SLC2A2: variants seen among roughly 807,000 people sequenced by gnomAD.
SLC2A2 encodes the protein solute carrier family 2, facilitated glucose transporter member 2.
In SLC2A2, 36 loss-of-function variants were observed where a neutral mutation model predicts 54.5. The ratio of observed to expected loss-of-function variants is 0.66; its 90% CI spans 0.51 to 0.87. SLC2A2 has a LOEUF of 0.87. Among genes scored for constraint, SLC2A2 ranks in the 40% least tolerant of loss-of-function variants. The pLI is 0.00. For synonymous variants in SLC2A2, 223 were observed against 219.1 expected (o/e 1.02, Z -0.16); for missense variants, 543 against 624.3 (o/e 0.87, Z 1.39).
chr3:171,017,208 A>G (rs1311745818), intron 2 of SLC2A2, among the ~76,000 whole-genome samples: 4 of 152,170 alleles, frequency 2.6e-5, no homozygotes, highest in Non-Finnish European at 5.9e-5. Flanking sequence ...AAGGGGCTCT[A>G]TTAATCAAGT....
intron 1 of SLC2A2, among the ~76,000 whole-genome samples, chr3:171,018,892 G>A (rs1291054167): frequency 2.6e-5 from 4 of 151,756 alleles, no homozygotes; most frequent in African/African-American, 9.7e-5. Flanking sequence ...TTCCATATAT[G>A]TGTATGAGAA....
In SLC2A2 at chr3:171,018,539, G is replaced by T. The variant is rs746158263; in HGVS notation, c.100C>A (p.Pro34Thr). Residue 34 changes from proline to threonine, a missense_variant, in exon 2 of 11, where the codon CCT (proline) becomes ACT (threonine). Pro to Thr is a conservative substitution (Grantham distance 38, BLOSUM62 -1). Coordinates refer to ENST00000314251, the MANE Select transcript of SLC2A2 (RefSeq NM_000340.2). ...FGYDIGVINA[P>T]QQVIISHYRH... ...CTACATATTTCACTTGCCTGTTGAG[G>T]TGCATTGATCACACCAATGTCATAT... The T allele has an allele frequency of 1.2e-6, 2 of 1,606,216 alleles. No homozygotes were observed. Among genetic ancestry groups the T allele is most frequent in the Admixed American group, 3.3e-5 (2 of 60,010 alleles).
intron 1 of SLC2A2, among the ~76,000 whole-genome samples, chr3:171,022,254 C>T (rs1267783247): frequency 1.3e-5 from 2 of 152,216 alleles, no homozygotes; most frequent in Non-Finnish European, 2.9e-5. Context: ...TTGCATCCCT[C>T]ATTAGTCAGA....
In SLC2A2 at chr3:170,997,856, C is replaced by A. The variant is rs567487827; in HGVS notation, c.*47G>T. The A allele has an allele frequency of 6.9e-7, 1 of 1,453,682 alleles. No individual in the cohort carries two copies. The highest frequency in any genetic ancestry group is 9.6e-7 in the Non-Finnish European group (1 of 1,040,794). 90.0% of individuals were successfully genotyped at this position (1,453,682 alleles called of 1,614,324 possible). On this transcript the variant is annotated 3_prime_UTR_variant, in exon 11 of 11. Transcript: ENST00000314251. ...CAAGGAATCATCATTTAAAAACAGA[C>A]GGTTCCCTTATTGTTTCTGTTCATG...
chr3:170,999,213 T>G, intron 8 of SLC2A2, 47 bp from the exon 9 acceptor site: 1 of 1,221,282 alleles, frequency 8.2e-7, no homozygotes, highest in East Asian at 2.3e-5. Flanking sequence ...AGTCACAAAA[T>G]ATTGACTGTT....
chr3:171,019,345 A>G (rs1716347164), intron 1 of SLC2A2, among the ~76,000 whole-genome samples: 1 of 151,912 alleles, frequency 6.6e-6, no homozygotes, highest in African/African-American at 2.4e-5. Context: ...GCTAGCCTTT[A>G]TCATGTTCCG....
chr3:170,998,008 C>G lies in SLC2A2; in HGVS notation c.1470G>C (p.Lys490Asn). 3 of 1,613,706 alleles carry G rather than the reference C, an allele frequency of 1.9e-6. No homozygotes were observed. The highest frequency in any genetic ancestry group is 2.5e-6 in the Non-Finnish European group (3 of 1,179,818). Residue 490 changes from lysine to asparagine, a missense_variant, in exon 11 of 11, where the codon AAG becomes AAC. This residue lies in a region of SLC2A2 where 108 missense variants were observed against 101.3 expected (regional missense o/e 1.07). Transcript: ENST00000314251. ...TFFKVPETKG[K>N]SFEEIAAEFQ... ...ATTCTGCAGCAATTTCCTCAAAAGACTTTCCTTTGGTTTCTGGAACTTTAA... is the reference window on the plus strand; with the variant it reads ...ATTCTGCAGCAATTTCCTCAAAAGAGTTTCCTTTGGTTTCTGGAACTTTAA...
intron 8 of SLC2A2, among the ~76,000 whole-genome samples, chr3:170,999,770 T>TTGTATC (rs1360486217): frequency 8.5e-5 from 13 of 152,204 alleles, no homozygotes; most frequent in Non-Finnish European, 1.8e-4. Context: ...GTATGCTTAA[T>TTGTATC]TGTATCTTGT....
chr3:171,019,119 A>ACACG (rs1560042133), intron 1 of SLC2A2, among the ~76,000 whole-genome samples: 1 of 5,504 alleles, frequency 1.8e-4, no homozygotes, highest in Non-Finnish European at 3.2e-4. Flanking sequence ...ATATATATAT[A>ACACG]TATACGTATG....
Position 171,014,508 on chromosome 3 carries a change from G to A in SLC2A2, c.332C>T (p.Ala111Val), listed in dbSNP as rs1716034660. ...CCCAAGCCACCCACCAAAGAATGAT[G>A]CAGTCATTCCACCAACTGCAAAGCT... ...VSSFAVGGMTASFFGGWLGDT... is the reference protein window; with the variant it reads ...VSSFAVGGMTVSFFGGWLGDT... The change falls in exon 3 of 11, where the codon GCA becomes GTA. Residue 111 changes from alanine (A) to valine (V), a missense_variant. This residue lies in a region of SLC2A2 where 318 missense variants were observed against 343.8 expected (regional missense o/e 0.93). Coordinates refer to ENST00000314251, the MANE Select transcript of SLC2A2 (RefSeq NM_000340.2). 2 of 1,613,892 alleles carry A rather than the reference G, an allele frequency of 1.2e-6. No homozygotes were observed. The highest frequency in any genetic ancestry group is 1.7e-6 in the Non-Finnish European group (2 of 1,179,912).
At chr3:170,999,611 G>A (rs1364731385) in intron 8 of SLC2A2, among the ~76,000 whole-genome samples, 3 of 152,040 alleles carry the variant, frequency 2.0e-5, no homozygotes, top group Non-Finnish European at 4.4e-5. Context: ...AAGGGTCTGT[G>A]CACTATTGAC....
intron 4 of SLC2A2, among the ~76,000 whole-genome samples, chr3:171,008,650 A>T (rs1701380261): frequency 6.6e-6 from 1 of 151,938 alleles, no homozygotes; most frequent in African/African-American, 2.4e-5. Flanking sequence ...TTTTTTTCAC[A>T]CTGTATTTTT....
rs561689694 is a variant in SLC2A2 at position 170,996,794 on chromosome 3, A to G, written c.*1109T>C. 10 of 395,156 alleles carry G rather than the reference A, an allele frequency of 2.5e-5. No homozygotes were observed. The highest frequency in any genetic ancestry group is 2.1e-4 in the African/African-American group (10 of 48,628). The allele number at this position is 395,156 out of a possible 1,614,324, so 24.5% of individuals were successfully genotyped here. A position where few individuals can be genotyped will look rare whatever the true frequency, so the allele number is the denominator to read the frequency against. On this transcript the variant is annotated 3_prime_UTR_variant, in exon 11 of 11. Transcript: ENST00000314251. ...GAGACGATTATTTTATGTTAGGAAC[A>G]CACCATAAAACAATCAGTCTTTCCA...
chr3:171,015,610 A>C (rs1284335484), intron 2 of SLC2A2, among the ~76,000 whole-genome samples: 5 of 152,238 alleles, frequency 3.3e-5, no homozygotes, highest in African/African-American at 1.2e-4. Context: ...TGGGAAAGTT[A>C]AGATGAGGGT....
intron 1 of SLC2A2, among the ~76,000 whole-genome samples, chr3:171,020,840 C>T (rs561955310): frequency 9.2e-5 from 14 of 151,782 alleles, no homozygotes; most frequent in East Asian, 5.8e-4. Context: ...GCTATGATTG[C>T]ACCACCATAC....
intron 4 of SLC2A2, among the ~76,000 whole-genome samples, chr3:171,009,708 C>G (rs1715783462): frequency 6.6e-6 from 1 of 152,026 alleles, no homozygotes; most frequent in South Asian, 2.1e-4. Context: ...AATAATTTGT[C>G]TGTGATCATA....
At chr3:171,003,186 AT>A (rs1414540175) in intron 7 of SLC2A2, among the ~76,000 whole-genome samples, 2 of 151,950 alleles carry the variant, frequency 1.3e-5, no homozygotes, top group African/African-American at 4.8e-5. Flanking sequence ...ACCACATAAT[AT>A]GTATCATTTT....
At chr3:171,009,846 C>G in intron 4 of SLC2A2, 112 bp downstream of exon 4, 1 of 1,447,450 alleles carries the variant, frequency 6.9e-7, no homozygotes, top group Non-Finnish European at 9.3e-7. Flanking sequence ...GTGATGTCAC[C>G]CTAGACTCAA....
chr3:170,997,990 A>G lies in SLC2A2; in HGVS notation c.1488T>C (p.Ala496=). The G allele has an allele frequency of 6.2e-7, 1 of 1,613,764 alleles. No individual in the cohort carries two copies. Among genetic ancestry groups the G allele is most frequent in the South Asian group, 1.1e-5 (1 of 91,076 alleles). The part of the protein sequence containing the change: ...ETKGKSFEEI[A]AEFQKKSGSA... ...AGCCACTCTTCTTTTGGAATTCTGC[A>G]GCAATTTCCTCAAAAGACTTTCCTT... The change falls in exon 11 of 11, where the codon GCT becomes GCC. Residue 496 remains alanine, a synonymous_variant. Transcript: ENST00000314251.
Sources: gnomAD v4.1 joint callset for allele counts (sites outside exome capture counted in the v4.1 genomes callset) on GRCh38, gnomAD v4.1.1 for gene constraint, gnomAD v4.1.1 regional missense constraint, MANE v1.5 for transcripts, NCBI Gene and HGNC (gene_info 2026-07-23, HGNC 2026-07-21) for gene names.